The following ANK3 variants were observed in gnomAD, a reference collection of about 807,000 sequenced individuals.
The protein encoded by ANK3 is ankyrin 3.
Under a neutral mutation model 370.9 loss-of-function variants are expected in ANK3, and 57 were observed. The observed-to-expected ratio is 0.15, with a 90% CI of 0.12 to 0.19. ANK3 has a LOEUF of 0.19. Ranked by LOEUF, ANK3 falls within the 10% of genes least tolerant of loss-of-function variation. The probability of loss-of-function intolerance (pLI) is 1.00; values close to 1 mark genes in which losing one functional copy is unlikely to be tolerated. For missense variants in ANK3, 4,439 were observed against 5,302.1 expected (o/e 0.84, Z 5.06); for synonymous variants, 1,929 against 1,946.3 (o/e 0.99, Z 0.23).
chr10:60,411,343 A>T (rs2063556433), intron 2 of ANK3, among the ~76,000 whole-genome samples: 1 of 152,216 alleles, frequency 6.6e-6, no homozygotes, highest in South Asian at 2.1e-4. Flanking sequence ...AGGCAACCTA[A>T]ACTGAGAAAT....
intron 28 of ANK3, among the ~76,000 whole-genome samples, chr10:60,101,613 G>T (rs2091272519): frequency 6.6e-6 from 1 of 152,196 alleles, no homozygotes; most frequent in African/African-American, 2.4e-5. Flanking sequence ...CTTGTTGCAT[G>T]ATACCTTAGT....
chr10:60,316,279 A>T (rs1183787460), intron 1 of ANK3, among the ~76,000 whole-genome samples: 4 of 152,138 alleles, frequency 2.6e-5, no homozygotes, highest in Non-Finnish European at 4.4e-5. Flanking sequence ...ATGCTAGGTA[A>T]ATGTATGACA....
chr10:60,180,812 T>C (rs1001320253), intron 18 of ANK3, among the ~76,000 whole-genome samples: 1 of 151,766 alleles, frequency 6.6e-6, no homozygotes, highest in Non-Finnish European at 1.5e-5. Flanking sequence ...AGCAATTTTT[T>C]TTTCTTTTTG....
At position 60,139,917 on chromosome 10, in the gene ANK3, T is replaced by C. The variant is rs1487601218; in HGVS notation, c.2615-830A>G. On this transcript the variant is annotated intron_variant, in intron 23 of 43. Transcript: ENST00000280772. ...AATTGTCTTTTGCCCTCTGGGACAT[T>C]TCCCATCCTTCTCAAAAGGTAGCAC... The C allele has an allele frequency of 2.9e-5, 5 of 174,290 alleles. No homozygotes were observed. The South Asian group carries it at 5.6e-4, about 20-fold the overall frequency. The allele number at this position is 174,290 out of a possible 1,614,324, so 10.8% of individuals were successfully genotyped here. A position where few individuals can be genotyped will look rare whatever the true frequency, so the allele number is the denominator to read the frequency against.
intron 2 of ANK3, among the ~76,000 whole-genome samples, chr10:60,503,195 T>C (rs149027574): frequency 7.9e-5 from 12 of 152,308 alleles, no homozygotes; most frequent in Admixed American, 7.8e-4. Context: ...CAAAGAGTAA[T>C]TCTGTAAATT....
intron 2 of ANK3, among the ~76,000 whole-genome samples, chr10:60,429,338 G>A (rs1480910142): frequency 6.6e-6 from 1 of 152,060 alleles, no homozygotes; most frequent in Non-Finnish European, 1.5e-5. Flanking sequence ...GGAAGTAAAA[G>A]GGACTTATAT....
intron 43 of ANK3, among the ~76,000 whole-genome samples, chr10:60,031,278 A>G (rs529773014): frequency 8.5e-5 from 13 of 152,252 alleles, no homozygotes; most frequent in Middle Eastern, 3.4e-3. Flanking sequence ...GGATGAATTA[A>G]TTGTATTTGA....
chr10:60,095,294 C>A (rs557919991), intron 28 of ANK3, among the ~76,000 whole-genome samples: 1 of 152,222 alleles, frequency 6.6e-6, no homozygotes, highest in Non-Finnish European at 1.5e-5. Flanking sequence ...GACTCAGACA[C>A]TTTTCACATC....
intron 1 of ANK3, among the ~76,000 whole-genome samples, chr10:60,682,314 A>G (rs1325151052): frequency 6.6e-6 from 1 of 152,182 alleles, no homozygotes; most frequent in African/African-American, 2.4e-5. Flanking sequence ...GTGCAACACC[A>G]AATCGGACAT....
chr10:60,113,170 C>T (rs1168874722), intron 26 of ANK3, among the ~76,000 whole-genome samples: 2 of 151,944 alleles, frequency 1.3e-5, no homozygotes, highest in Admixed American at 6.6e-5. Flanking sequence ...AACCACAGCA[C>T]TTCCAGTGTA....
chr10:60,353,307 A>C (rs1482792632), intron 1 of ANK3, among the ~76,000 whole-genome samples: 3 of 151,918 alleles, frequency 2.0e-5, no homozygotes, highest in African/African-American at 7.3e-5. Flanking sequence ...TGTGAATCTT[A>C]AATCTAGTAT....
intron 1 of ANK3, among the ~76,000 whole-genome samples, chr10:60,338,715 C>T (rs2053590087): frequency 6.6e-6 from 1 of 152,142 alleles, no homozygotes. Flanking sequence ...TTTGATAAAA[C>T]TGTGATACTG....
At chr10:60,504,003 G>C (rs2133149222) in intron 2 of ANK3, among the ~76,000 whole-genome samples, 1 of 152,288 alleles carries the variant, frequency 6.6e-6, no homozygotes, top group Non-Finnish European at 1.5e-5. Context: ...CCTATGACTA[G>C]AAGTAATGGA....
chr10:60,382,229 T>C (rs993953208), intron 1 of ANK3, among the ~76,000 whole-genome samples: 3 of 152,100 alleles, frequency 2.0e-5, no homozygotes, highest in Non-Finnish European at 4.4e-5. Flanking sequence ...TATTTCCCCA[T>C]TTTTTACCAT....
In ANK3 at chr10:60,672,054, T is replaced by C. The variant is rs544134459; in HGVS notation, c.58-56830A>G. On this transcript the variant is annotated intron_variant, in intron 1 of 43. Transcript: ENST00000373827. ...AACTGTGTGATATAATAAATACTTA[T>C]TGTTCTAAGCCGCTAAGTGTTGGTG... 3.3e-4 allele frequency among the ~76,000 whole-genome samples: 50 copies of C among 152,368 alleles called. 1 individual carries two copies. The South Asian group carries it at 0.01, about 32-fold the overall frequency.
At position 60,071,248 on chromosome 10, in the gene ANK3, TTCC is replaced by T; in HGVS notation, c.9630_9632del (p.Glu3211del). ...GCTTAAGGGAGGTTGACTTGGCCTGTTCCTCCTCCTCTGACTCCTCAGAAACCT... is the reference window on the plus strand; with the variant it reads ...GCTTAAGGGAGGTTGACTTGGCCTGTTCCTCCTCTGACTCCTCAGAAACCT... On this transcript the variant is annotated inframe_deletion, in exon 37 of 44. Coordinates refer to ENST00000280772, the MANE Select transcript of ANK3 (RefSeq NM_020987.5). 1 of 1,614,146 alleles carries T rather than the reference TTCC, an allele frequency of 6.2e-7. No homozygotes were observed. The highest frequency in any genetic ancestry group is 1.7e-5 in the Admixed American group (1 of 60,008).
At chr10:60,723,158 G>C (rs539925608) in intron 1 of ANK3, among the ~76,000 whole-genome samples, 1 of 152,306 alleles carries the variant, frequency 6.6e-6, no homozygotes, top group South Asian at 2.1e-4. Context: ...CTTATGACTT[G>C]ACAGGAAGTA....
At chr10:60,186,144 G>A (rs2096322057) in intron 17 of ANK3, among the ~76,000 whole-genome samples, 1 of 152,128 alleles carries the variant, frequency 6.6e-6, no homozygotes, top group South Asian at 2.1e-4. Flanking sequence ...AAAGCAAAGG[G>A]CTACAATTTG....
chr10:60,053,313 C>T (rs561019010), intron 42 of ANK3, among the ~76,000 whole-genome samples: 2 of 152,142 alleles, frequency 1.3e-5, no homozygotes, highest in Non-Finnish European at 2.9e-5. Flanking sequence ...TACATGGAAT[C>T]ATAAGTTGAG....
Sources: allele counts gnomAD v4.1 joint callset (sites outside exome capture counted in the v4.1 genomes callset), GRCh38; gene constraint gnomAD v4.1.1; transcripts MANE v1.5; gene names NCBI Gene and HGNC (gene_info 2026-07-23, HGNC 2026-07-21).